The following FBXW10B variants were observed in gnomAD, a reference collection of about 807,000 sequenced individuals.
FBXW10B encodes F-box and WD repeat domain containing protein 10B.
chr17:15,598,798 C>T, the FBXW10B span: 1 of 1,149,838 alleles, frequency 8.7e-7, no homozygotes, highest in Non-Finnish European at 1.2e-6. Context: ...ATTTGAATCC[C>T]AGCTGCAGCA....
the FBXW10B span, chr17:15,593,588 G>A: frequency 1.1e-5 from 17 of 1,532,178 alleles, no homozygotes; most frequent in African/African-American, 5.6e-5. Context: ...GTGATTGAGC[G>A]GCACTGGCCA....
the FBXW10B span, among the ~76,000 whole-genome samples, chr17:15,599,209 G>T: frequency 4.2e-5 from 6 of 144,204 alleles, no homozygotes; most frequent in African/African-American, 1.3e-4. Flanking sequence ...ACATCATAGG[G>T]TTTTTGTGAA....
At chr17:15,594,840 C>T in the FBXW10B span, 2 of 1,614,072 alleles carry the variant, frequency 1.2e-6, no homozygotes, top group Admixed American at 1.7e-5. Context: ...AGAGGAGATG[C>T]CACTGGTCAA....
the FBXW10B span, chr17:15,589,396 C>T: frequency 2.5e-5 from 8 of 325,966 alleles, no homozygotes; most frequent in South Asian, 1.2e-4. Context: ...AAATCACAAA[C>T]GAAGCTAGGA....
the FBXW10B span, among the ~76,000 whole-genome samples, chr17:15,618,672 A>T: frequency 6.6e-6 from 1 of 152,274 alleles, no homozygotes; most frequent in East Asian, 1.9e-4. Flanking sequence ...CCAATCCCTA[A>T]AGCAGGAACG....
At chr17:15,619,629 A>T in the FBXW10B span, 2 of 1,509,952 alleles carry the variant, frequency 1.3e-6, no homozygotes, top group African/African-American at 2.9e-5. Context: ...TCTATTACAA[A>T]CGTCTCCCAG....
At chr17:15,569,924 GT>G in the FBXW10B span, among the ~76,000 whole-genome samples, 1 of 152,062 alleles carries the variant, frequency 6.6e-6, no homozygotes, top group African/African-American at 2.4e-5. Context: ...GGCATTATTT[GT>G]TTGTTTGTTT....
the FBXW10B span, among the ~76,000 whole-genome samples, chr17:15,606,915 C>T: frequency 2.6e-5 from 4 of 152,046 alleles, no homozygotes; most frequent in African/African-American, 7.2e-5. Context: ...TTTGCAAAAC[C>T]TTGTGAATAT....
At chr17:15,593,027 C>A in the FBXW10B span, among the ~76,000 whole-genome samples, 7 of 141,142 alleles carry the variant, frequency 5.0e-5, no homozygotes, top group South Asian at 2.5e-4. Flanking sequence ...TGCTTGAACC[C>A]GAGAGGCGGA....
the FBXW10B span, among the ~76,000 whole-genome samples, chr17:15,579,635 T>G: frequency 2.6e-5 from 4 of 152,210 alleles, no homozygotes; most frequent in African/African-American, 9.6e-5. Context: ...ATGAAATTAA[T>G]TTTTGTCTAA....
the FBXW10B span, among the ~76,000 whole-genome samples, chr17:15,600,286 G>A: frequency 1.3e-5 from 2 of 148,886 alleles, no homozygotes; most frequent in Admixed American, 1.3e-4. Flanking sequence ...CGATTAATAT[G>A]TCTTTGTAGT....
chr17:15,584,497 T>A, the FBXW10B span, among the ~76,000 whole-genome samples: 1 of 152,244 alleles, frequency 6.6e-6, no homozygotes, highest in Non-Finnish European at 1.5e-5. Flanking sequence ...GTTTTCTGAA[T>A]TGGATGTATA....
chr17:15,598,465 C>T, the FBXW10B span: 3 of 1,611,772 alleles, frequency 1.9e-6, no homozygotes, highest in East Asian at 6.7e-5. Context: ...ATGAGCAAAA[C>T]AAAGCATTTT....
the FBXW10B span, among the ~76,000 whole-genome samples, chr17:15,615,243 C>A: frequency 6.6e-6 from 1 of 150,498 alleles, no homozygotes; most frequent in Non-Finnish European, 1.5e-5. Context: ...AATCTGCCAT[C>A]CCCAGATGCT....
the FBXW10B span, among the ~76,000 whole-genome samples, chr17:15,581,682 T>G: frequency 1.3e-5 from 2 of 151,958 alleles, no homozygotes; most frequent in Non-Finnish European, 2.9e-5. Flanking sequence ...GCTCAGCATA[T>G]GTAGCTTGGC....
At chr17:15,595,960 C>T in the FBXW10B span, among the ~76,000 whole-genome samples, 1 of 148,316 alleles carries the variant, frequency 6.7e-6, no homozygotes, top group South Asian at 2.1e-4. Context: ...CTCACTGCAA[C>T]GTCTGCCTCC....
the FBXW10B span, among the ~76,000 whole-genome samples, chr17:15,612,003 C>G: frequency 3.3e-5 from 5 of 152,200 alleles, no homozygotes; most frequent in Admixed American, 2.0e-4. Flanking sequence ...TGGCCCTCCC[C>G]TCGGGTCCTC....
chr17:15,581,608 A>G, the FBXW10B span, among the ~76,000 whole-genome samples: 1 of 151,072 alleles, frequency 6.6e-6, no homozygotes, highest in African/African-American at 2.4e-5. Flanking sequence ...ATGAAAGACA[A>G]CTGAAAGTGG....
chr17:15,579,310 TC>T, the FBXW10B span, among the ~76,000 whole-genome samples: 1 of 152,232 alleles, frequency 6.6e-6, no homozygotes, highest in Non-Finnish European at 1.5e-5. Context: ...GGTTTTGTTT[TC>T]CCATTTTCTT....
Sources: gnomAD v4.1 joint callset for allele counts (sites outside exome capture counted in the v4.1 genomes callset) on GRCh38, gnomAD v4.1.1 for gene constraint, MANE v1.5 for transcripts, NCBI Gene and HGNC (gene_info 2026-07-23, HGNC 2026-07-21) for gene names.